PEAK1: variants seen among roughly 807,000 people sequenced by gnomAD.
PEAK1 encodes pseudopodium enriched atypical kinase 1, also known as inactive tyrosine-protein kinase PEAK1.
In PEAK1, 54 loss-of-function variants were observed where a neutral mutation model predicts 124.7. The observed-to-expected ratio is 0.43, with a 90% CI of 0.35 to 0.54. The LOEUF is 0.54. PEAK1 is among the 20% of genes least tolerant of loss of function. PEAK1 has a pLI of 0.01. For synonymous variants in PEAK1, 719 were observed against 760.0 expected (o/e 0.95, Z 0.89); for missense variants, 2,046 against 2,134.5 (o/e 0.96, Z 0.82).
At chr15:77,347,675 C>T in intron 2 of PEAK1, 1 of 973,522 alleles carries the variant, frequency 1.0e-6, no homozygotes, top group Non-Finnish European at 1.2e-6. Flanking sequence ...ACAACACCCT[C>T]CTAAAACAGA....
intron 6 of PEAK1, among the ~76,000 whole-genome samples, chr15:77,184,773 C>T (rs1300326395): frequency 3.9e-5 from 6 of 151,996 alleles, no homozygotes; most frequent in Non-Finnish European, 8.8e-5. Flanking sequence ...GGTGTATGCC[C>T]GTAATCTTAG....
intron 2 of PEAK1, among the ~76,000 whole-genome samples, chr15:77,332,622 A>C (rs906956268): frequency 1.3e-5 from 2 of 152,120 alleles, no homozygotes; most frequent in African/African-American, 4.8e-5. Flanking sequence ...AATAAATAAT[A>C]GGAAAGTTAG....
intron 1 of PEAK1, chr15:77,371,119 T>C: frequency 1.0e-6 from 1 of 956,770 alleles, no homozygotes; most frequent in Non-Finnish European, 1.2e-6. Flanking sequence ...CTGAATTATG[T>C]TATTTTCATA....
intron 6 of PEAK1, among the ~76,000 whole-genome samples, chr15:77,203,223 G>T (rs2058457506): frequency 1.3e-5 from 2 of 152,026 alleles, no homozygotes; most frequent in South Asian, 2.1e-4. Context: ...GGAAGGGGAC[G>T]TAAGAGAGGC....
rs2051123882 is a variant in PEAK1, at chr15:77,113,785, T to G, written c.*371A>C. On this transcript the variant is annotated 3_prime_UTR_variant, in exon 10 of 10. Transcript: ENST00000682557. Reference sequence around the variant, plus strand: ...GAATAAATACTTGGTGCTAAAAAGATAGGTGATATCCAGAATTATGGAGGA... The same window carrying G: ...GAATAAATACTTGGTGCTAAAAAGAGAGGTGATATCCAGAATTATGGAGGA... The G allele has an allele frequency of 4.3e-6, 1 of 233,688 alleles. No homozygotes were observed. Among genetic ancestry groups the G allele is most frequent in the African/African-American group, 2.3e-5 (1 of 44,368 alleles). 14.5% of individuals were successfully genotyped at this position (233,688 alleles called of 1,614,324 possible). A position where few individuals can be genotyped will look rare whatever the true frequency, so the allele number is the denominator to read the frequency against.
At chr15:77,201,232 C>CTTTTTTT (rs11363810) in intron 6 of PEAK1, among the ~76,000 whole-genome samples, 60 of 77,240 alleles carry the variant, frequency 7.8e-4, no homozygotes, top group Middle Eastern at 0.011. Flanking sequence ...GCCTTTGTGT[C>CTTTTTTT]TTTTTTTTTT....
intron 8 of PEAK1, among the ~76,000 whole-genome samples, chr15:77,146,829 C>A (rs1363891282): frequency 6.6e-6 from 1 of 152,156 alleles, no homozygotes; most frequent in Non-Finnish European, 1.5e-5. Flanking sequence ...ATGTAATCCT[C>A]AGCATAATTT....
chr15:77,186,741 C>A (rs2057568676), intron 6 of PEAK1, among the ~76,000 whole-genome samples: 1 of 152,158 alleles, frequency 6.6e-6, no homozygotes, highest in South Asian at 2.1e-4. Context: ...TCATTTTAAA[C>A]ACTAATTATA....
At chr15:77,313,692 G>GTATA (rs1555478058) in intron 2 of PEAK1, among the ~76,000 whole-genome samples, 3,538 of 97,166 alleles carry the variant, frequency 0.036, 68 homozygotes, top group Non-Finnish European at 0.043. Flanking sequence ...GTGTGTGTGT[G>GTATA]TATATATATA....
At chr15:77,130,270 T>A (rs62007257) in intron 9 of PEAK1, among the ~76,000 whole-genome samples, 13,277 of 152,230 alleles carry the variant, frequency 0.087, 645 homozygotes, top group Non-Finnish European at 0.1. Flanking sequence ...TTTGCAGCAA[T>A]AAGGGCCCAA....
chr15:77,320,075 G>A (rs936148352), intron 2 of PEAK1, among the ~76,000 whole-genome samples: 2 of 152,114 alleles, frequency 1.3e-5, no homozygotes, highest in Admixed American at 6.6e-5. Context: ...ATATGATGTA[G>A]AAGTAAAGAG....
chr15:77,240,574 C>T (rs2060311501), intron 6 of PEAK1, among the ~76,000 whole-genome samples: 1 of 149,194 alleles, frequency 6.7e-6, no homozygotes, highest in Non-Finnish European at 1.5e-5. Flanking sequence ...TGAGCCTGGG[C>T]AATAGAGTGA....
intron 1 of PEAK1, among the ~76,000 whole-genome samples, chr15:77,391,854 A>G (rs2070486756): frequency 1.3e-5 from 2 of 152,220 alleles, no homozygotes; most frequent in South Asian, 4.1e-4. Flanking sequence ...TAAACAGGGG[A>G]GAAGAGATGA....
intron 2 of PEAK1, chr15:77,335,996 G>A (rs1207856566): frequency 2.0e-6 from 2 of 985,230 alleles, no homozygotes; most frequent in Non-Finnish European, 2.4e-6. Flanking sequence ...GACTCCAAAT[G>A]GTCAGAGTTA....
At chr15:77,297,039 T>C (rs1428205807) in intron 2 of PEAK1, among the ~76,000 whole-genome samples, 1 of 151,798 alleles carries the variant, frequency 6.6e-6, no homozygotes, top group Non-Finnish European at 1.5e-5. Context: ...AGCTGTAAAA[T>C]ATGCAGATCT....
intron 1 of PEAK1, chr15:77,417,818 GA>G: frequency 1.0e-6 from 1 of 985,404 alleles, no homozygotes; most frequent in Non-Finnish European, 1.2e-6. Flanking sequence ...GTTATTATAT[GA>G]AATGTGCCAA....
rs34561338 is a variant in PEAK1 at position 77,279,104 on chromosome 15, CGTGTGTGTGT to C, written c.-275+4769_-275+4778del. On this transcript the variant is annotated intron_variant, in intron 5 of 9. Coordinates refer to ENST00000682557, the MANE Select transcript of PEAK1 (RefSeq NM_001385026.1). ...CAGCCTCCCAAGGTGCTCGTGTGTG[CGTGTGTGTGT>C]GTGTGTGTGTGTGTGTGTGTGTTTC... Among the ~76,000 whole-genome samples, 369 of 115,128 alleles carry C rather than the reference CGTGTGTGTGT, an allele frequency of 3.2e-3. 2 individuals are homozygous for C. Among genetic ancestry groups the C allele is most frequent in the African/African-American group, 9.3e-3 (343 of 37,070 alleles). The allele number at this position is 115,128 out of a possible 152,430, so 75.5% of individuals were successfully genotyped here.
chr15:77,335,282 C>T (rs998368284), intron 2 of PEAK1: 9 of 985,310 alleles, frequency 9.1e-6, no homozygotes, highest in African/African-American at 1.7e-5. Context: ...TGCTGCCTAA[C>T]AAAGATTATT....
intron 1 of PEAK1, among the ~76,000 whole-genome samples, chr15:77,414,417 T>C (rs1228104455): frequency 6.6e-6 from 1 of 151,334 alleles, no homozygotes; most frequent in Non-Finnish European, 1.5e-5. Flanking sequence ...CGACGGGGTT[T>C]CACCATTTTG....
Sources: allele counts gnomAD v4.1 joint callset (sites outside exome capture counted in the v4.1 genomes callset), GRCh38; gene constraint gnomAD v4.1.1; transcripts MANE v1.5; gene names NCBI Gene and HGNC (gene_info 2026-07-23, HGNC 2026-07-21).